The following SLC25A48 variants were observed in gnomAD, a reference collection of about 807,000 sequenced individuals.
SLC25A48 encodes the protein solute carrier family 25 member 48.
In SLC25A48, 29 loss-of-function variants were observed where a neutral mutation model predicts 32.2. The ratio of observed to expected loss-of-function variants is 0.90; its 90% confidence interval spans 0.67 to 1.23. SLC25A48 has a LOEUF of 1.23. Ranked by LOEUF, SLC25A48 falls within the 50% of genes most tolerant of loss-of-function variation. The pLI is 0.00. For missense variants in SLC25A48, 399 were observed against 422.7 expected (o/e 0.94, Z 0.49); for synonymous variants, 164 against 172.3 (o/e 0.95, Z 0.38).
At chr5:135,582,535 C>T (rs1751258399) in intron 1 of SLC25A48, among the ~76,000 whole-genome samples, 1 of 152,142 alleles carries the variant, frequency 6.6e-6, no homozygotes, top group East Asian at 1.9e-4. Context: ...AGGGAGGCCA[C>T]TCCTGGCCCT....
intron 5 of SLC25A48, chr5:135,872,589 T>C (rs188048368): frequency 1.2e-4 from 18 of 152,362 alleles, no homozygotes; most frequent in African/African-American, 4.1e-4. Flanking sequence ...AGGATATTGG[T>C]GCACCCAAGT....
intron 1 of SLC25A48, among the ~76,000 whole-genome samples, chr5:135,622,183 G>A (rs1173792690): frequency 6.6e-6 from 1 of 152,216 alleles, no homozygotes; most frequent in East Asian, 1.9e-4. Context: ...AAGATCCAGT[G>A]ATACTGAGGA....
chr5:135,727,774 A>G (rs1755122104), intron 3 of SLC25A48, among the ~76,000 whole-genome samples: 1 of 152,188 alleles, frequency 6.6e-6, no homozygotes, highest in African/African-American at 2.4e-5. Context: ...CTCTCGGCCA[A>G]TACCACAGTC....
intron 3 of SLC25A48, among the ~76,000 whole-genome samples, chr5:135,724,386 C>T (rs1244769665): frequency 6.8e-6 from 1 of 146,728 alleles, no homozygotes; most frequent in Non-Finnish European, 1.5e-5. Context: ...TCCTTGGAGC[C>T]CCCTCAGGTA....
At chr5:135,637,029 A>T (rs1752721544) in intron 3 of SLC25A48, among the ~76,000 whole-genome samples, 1 of 152,224 alleles carries the variant, frequency 6.6e-6, no homozygotes, top group Non-Finnish European at 1.5e-5. Flanking sequence ...GCTGTGAACA[A>T]ACACAGCTAC....
intron 4 of SLC25A48, among the ~76,000 whole-genome samples, chr5:135,856,684 T>G (rs1297630543): frequency 1.3e-5 from 2 of 152,224 alleles, no homozygotes; most frequent in Non-Finnish European, 2.9e-5. Context: ...ACCTTCATCT[T>G]CAGCATATTG....
At chr5:135,745,031 C>T (rs1276069881) in intron 3 of SLC25A48, among the ~76,000 whole-genome samples, 10 of 152,056 alleles carry the variant, frequency 6.6e-5, no homozygotes, top group Admixed American at 2.0e-4. Context: ...TACACAGTGC[C>T]GAGACCAGCT....
intron 2 of SLC25A48, among the ~76,000 whole-genome samples, chr5:135,631,627 G>T (rs1297361327): frequency 6.6e-6 from 1 of 152,192 alleles, no homozygotes; most frequent in African/African-American, 2.4e-5. Flanking sequence ...TGCTCAACTT[G>T]TCCCCTTTTG....
rs182760190 is a variant in SLC25A48, at chr5:135,602,580, G to A, written c.-849+22983G>A. On this transcript the variant is annotated intron_variant, in intron 1 of 10. Coordinates refer to the SLC25A48 transcript ENST00000646290. ...GCCACCGGGGGCTTTGTAGCCATCA[G>A]TCCTTGCATGGAGTTTTCTTTTTTT... Among the ~76,000 whole-genome samples the A allele has an allele frequency of 6.7e-3, 1,011 of 150,358 alleles. 6 individuals are homozygous for A. Among genetic ancestry groups the A allele is most frequent in the Non-Finnish European group, 0.011 (750 of 67,790 alleles).
At chr5:135,614,938 C>T (rs545630800) in intron 1 of SLC25A48, among the ~76,000 whole-genome samples, 10 of 152,156 alleles carry the variant, frequency 6.6e-5, no homozygotes, top group South Asian at 4.1e-4. Flanking sequence ...TTTGTCTCTT[C>T]CTCCTGCTTC....
chr5:135,866,638 T>C (rs1761226945), intron 4 of SLC25A48, among the ~76,000 whole-genome samples: 1 of 152,186 alleles, frequency 6.6e-6, no homozygotes. Context: ...CATCTACCTC[T>C]AAGGGACCTC....
chr5:135,786,026 G>T (rs951859714), intron 3 of SLC25A48, among the ~76,000 whole-genome samples: 1 of 149,718 alleles, frequency 6.7e-6, no homozygotes, highest in Non-Finnish European at 1.5e-5. Context: ...GGAGACGGTG[G>T]TATTTCTCCC....
chr5:135,685,162 T>G (rs1185000197), intron 3 of SLC25A48, among the ~76,000 whole-genome samples: 1 of 152,126 alleles, frequency 6.6e-6, no homozygotes, highest in African/African-American at 2.4e-5. Flanking sequence ...TGCGTGAGAT[T>G]GAGGATCTTT....
rs536032045 is a variant in SLC25A48, at chr5:135,602,721, G to A, written c.-849+23124G>A. 9.3e-5 allele frequency among the ~76,000 whole-genome samples: 14 copies of A among 150,390 alleles called. No individual in the cohort carries two copies. The South Asian group carries it at 1.3e-3, about 14-fold the overall frequency. On this transcript the variant is annotated intron_variant, in intron 1 of 10. Transcript: ENST00000646290. ...GTTGGTTTGCTGCACCCATTAACTCGTCATTTACATTAGGTATATCTCCTA... is the reference window on the plus strand; with the variant it reads ...GTTGGTTTGCTGCACCCATTAACTCATCATTTACATTAGGTATATCTCCTA...
rs1403113624 is a variant in SLC25A48 at position 135,834,688 on chromosome 5, C to A, written c.-160C>A. Reference sequence around the variant, plus strand: ...ACTTGGAGAGGTGAGCGCGGCAGCCCGCGCAGCCGGTGACTGGGGGACTGG... The same window carrying A: ...ACTTGGAGAGGTGAGCGCGGCAGCCAGCGCAGCCGGTGACTGGGGGACTGG... On this transcript the variant is annotated 5_prime_UTR_variant, in exon 1 of 8. Coordinates refer to ENST00000681962, the MANE Select transcript of SLC25A48 (RefSeq NM_001349336.2). 2.6e-6 allele frequency: 2 copies of A among 774,092 alleles called. No homozygotes were observed. The highest frequency in any genetic ancestry group is 2.0e-6 in the Non-Finnish European group (1 of 494,422). 48.0% of individuals were successfully genotyped at this position (774,092 alleles called of 1,614,324 possible).
chr5:135,717,402 G>C (rs898640767), intron 3 of SLC25A48, among the ~76,000 whole-genome samples: 1 of 152,214 alleles, frequency 6.6e-6, no homozygotes, highest in Non-Finnish European at 1.5e-5. Flanking sequence ...CCCCAGAGCA[G>C]ATGCTGAGAT....
chr5:135,713,510 G>A (rs1754719127), intron 3 of SLC25A48, among the ~76,000 whole-genome samples: 1 of 152,174 alleles, frequency 6.6e-6, no homozygotes, highest in Admixed American at 6.5e-5. Context: ...ACCTCCAAAA[G>A]AGACAGGACA....
chr5:135,791,005 T>G lies in SLC25A48; in HGVS notation c.-520-21518T>G, dbSNP rs115028695. On this transcript the variant is annotated intron_variant, in intron 3 of 10. Coordinates refer to the SLC25A48 transcript ENST00000646290. ...ATTTGTATAATTACGGGGGGGGTGT[T>G]ACTTCTAATGTCACAGTGTGTGTAC... is the stretch of plus-strand genomic sequence containing the variant. 8.4e-3 allele frequency among the ~76,000 whole-genome samples: 1,263 copies of G among 151,038 alleles called. 10 individuals carry two copies. Among genetic ancestry groups the G allele is most frequent in the African/African-American group, 0.027 (1,100 of 40,992 alleles).
intron 3 of SLC25A48, among the ~76,000 whole-genome samples, chr5:135,732,692 A>C (rs1413500125): frequency 6.6e-6 from 1 of 152,182 alleles, no homozygotes; most frequent in Non-Finnish European, 1.5e-5. Context: ...TGATGACAGA[A>C]TAGAAGGGGC....
Sources: allele counts gnomAD v4.1 joint callset (sites outside exome capture counted in the v4.1 genomes callset), GRCh38; gene constraint gnomAD v4.1.1; transcripts MANE v1.5; gene names NCBI Gene and HGNC (gene_info 2026-07-23, HGNC 2026-07-21).